Variants in MYO3A observed in about 807,000 individuals in gnomAD.
MYO3A encodes myosin IIIA, also known as myosin-IIIa.
A neutral mutation model predicts 192.7 loss-of-function variants in MYO3A; 180 were observed. That is an observed-to-expected ratio of 0.93 (90% CI 0.83 to 1.06). The LOEUF (loss-of-function observed/expected upper bound fraction) is 1.06. MYO3A is among the 50% of genes least tolerant of loss of function. The pLI, the probability that MYO3A is intolerant of heterozygous loss-of-function variation, is 0.00. For missense variants in MYO3A, 1,896 were observed against 1,905.0 expected (o/e 1.00, Z 0.09); for synonymous variants, 628 against 645.3 (o/e 0.97, Z 0.41).
chr10:25,978,349 A>G (rs1156503859), intron 4 of MYO3A, among the ~76,000 whole-genome samples: 1 of 152,226 alleles, frequency 6.6e-6, no homozygotes, highest in Non-Finnish European at 1.5e-5. Context: ...GGGAAGCCTC[A>G]CAAACATGGC....
intron 20 of MYO3A, among the ~76,000 whole-genome samples, chr10:26,135,086 G>C (rs1257004396): frequency 6.6e-6 from 1 of 152,120 alleles, no homozygotes; most frequent in Non-Finnish European, 1.5e-5. Context: ...TGATTAAAAT[G>C]ACTCCCTCTC....
At chr10:26,082,857 A>G (rs1836055043) in intron 14 of MYO3A, among the ~76,000 whole-genome samples, 1 of 152,052 alleles carries the variant, frequency 6.6e-6, no homozygotes, top group East Asian at 1.9e-4. Context: ...TGGTGCAACC[A>G]CTGACACCAA....
intron 26 of MYO3A, among the ~76,000 whole-genome samples, chr10:26,162,037 C>G (rs1284908471): frequency 6.6e-6 from 1 of 152,162 alleles, no homozygotes; most frequent in Non-Finnish European, 1.5e-5. Context: ...ACTCACAGAC[C>G]TGTTATGGAA....
intron 17 of MYO3A, among the ~76,000 whole-genome samples, chr10:26,097,618 T>C (rs1837133641): frequency 6.6e-6 from 1 of 151,638 alleles, no homozygotes; most frequent in Non-Finnish European, 1.5e-5. Flanking sequence ...TTTCCACATA[T>C]GAGTGAGAAC....
At chr10:25,952,897 A>C (rs1435266472) in intron 3 of MYO3A, among the ~76,000 whole-genome samples, 1 of 145,790 alleles carries the variant, frequency 6.9e-6, no homozygotes, top group Non-Finnish European at 1.5e-5. Flanking sequence ...TTTTTTAAGT[A>C]GCAGTTGTGA....
intron 31 of MYO3A, among the ~76,000 whole-genome samples, chr10:26,189,430 A>G (rs933016671): frequency 3.3e-5 from 5 of 152,228 alleles, no homozygotes; most frequent in Non-Finnish European, 7.3e-5. Flanking sequence ...GCTCAATGAA[A>G]GAGAGATCAC....
intron 20 of MYO3A, among the ~76,000 whole-genome samples, chr10:26,142,935 G>T (rs780145737): frequency 8.5e-5 from 13 of 152,258 alleles, no homozygotes; most frequent in African/African-American, 2.2e-4. Flanking sequence ...TTCTAGTATG[G>T]AGACTAGAGC....
intron 17 of MYO3A, among the ~76,000 whole-genome samples, chr10:26,105,072 G>C (rs1354214514): frequency 3.3e-5 from 5 of 152,072 alleles, no homozygotes; most frequent in Non-Finnish European, 7.4e-5. Flanking sequence ...GTAGTATAAT[G>C]TTCCACAGTG....
rs189003273 is a variant in MYO3A at position 26,029,157 on chromosome 10, G to A, written c.953+2625G>A. Among the ~76,000 whole-genome samples the A allele has an allele frequency of 2.6e-5, 4 of 152,270 alleles. No homozygotes were observed. The East Asian group carries it at 7.7e-4, about 29-fold the overall frequency. On this transcript the variant is annotated intron_variant, in intron 10 of 34. Transcript: ENST00000642920. Reference sequence around the variant, plus strand: ...GAATGGTTGCACTACACAGTATTTAGATTCTCATGCTTGTGCTGTAAGTTT... The same window carrying A: ...GAATGGTTGCACTACACAGTATTTAAATTCTCATGCTTGTGCTGTAAGTTT...
At chr10:26,132,776 T>C (rs1395083164) in intron 20 of MYO3A, among the ~76,000 whole-genome samples, 1 of 152,132 alleles carries the variant, frequency 6.6e-6, no homozygotes, top group Non-Finnish European at 1.5e-5. Context: ...TCAGAAGTAG[T>C]TTTAGAAGCA....
At chr10:26,115,575 G>A (rs1297705746) in intron 17 of MYO3A, among the ~76,000 whole-genome samples, 1 of 151,736 alleles carries the variant, frequency 6.6e-6, no homozygotes, top group Non-Finnish European at 1.5e-5. Context: ...TTTTGTATAA[G>A]AATAGAAAAA....
At chr10:26,107,162 G>A (rs1237897997) in intron 17 of MYO3A, among the ~76,000 whole-genome samples, 2 of 152,028 alleles carry the variant, frequency 1.3e-5, no homozygotes, top group African/African-American at 2.4e-5. Flanking sequence ...AGAGAAGACT[G>A]GGGACAATGT....
chr10:26,170,833 C>G (rs1411862157), intron 29 of MYO3A, among the ~76,000 whole-genome samples: 1 of 152,238 alleles, frequency 6.6e-6, no homozygotes, highest in Non-Finnish European at 1.5e-5. Flanking sequence ...TCATCCATAT[C>G]TAAATGTATC....
chr10:26,206,606 A>G (rs1273968077), intron 34 of MYO3A, among the ~76,000 whole-genome samples: 1 of 149,838 alleles, frequency 6.7e-6, no homozygotes, highest in African/African-American at 2.5e-5. Flanking sequence ...CTGCCACCAT[A>G]CCCATCTAAT....
intron 10 of MYO3A, among the ~76,000 whole-genome samples, chr10:26,033,006 C>T (rs577188900): frequency 1.3e-5 from 2 of 152,306 alleles, no homozygotes; most frequent in Non-Finnish European, 2.9e-5. Context: ...AAAGATACTT[C>T]AAACTCAACA....
chr10:26,026,334 T>C, intron 9 of MYO3A, 43 bp from the exon 10 acceptor site: 4 of 1,607,738 alleles, frequency 2.5e-6, no homozygotes, highest in Non-Finnish European at 3.4e-6. Context: ...GTTTCAAAAC[T>C]CTAACTTATC....
At chr10:26,086,524 G>A (rs925335644) in intron 14 of MYO3A, among the ~76,000 whole-genome samples, 1 of 151,956 alleles carries the variant, frequency 6.6e-6, no homozygotes, top group Non-Finnish European at 1.5e-5. Context: ...TAATTGACTG[G>A]TTTTAGTATC....
At chr10:26,093,885 C>A (rs967013170) in intron 15 of MYO3A, among the ~76,000 whole-genome samples, 1 of 152,110 alleles carries the variant, frequency 6.6e-6, no homozygotes, top group Admixed American at 6.5e-5. Flanking sequence ...TTTCCCATAG[C>A]CCTTTTCTTT....
intron 4 of MYO3A, among the ~76,000 whole-genome samples, chr10:25,980,271 G>T (rs976585643): frequency 3.3e-5 from 5 of 149,390 alleles, no homozygotes; most frequent in Non-Finnish European, 7.4e-5. Context: ...CCCACATAAT[G>T]CTTATAAAAT....
Sources: gnomAD v4.1 joint callset for allele counts (sites outside exome capture counted in the v4.1 genomes callset) on GRCh38, gnomAD v4.1.1 for gene constraint, MANE v1.5 for transcripts, NCBI Gene and HGNC (gene_info 2026-07-23, HGNC 2026-07-21) for gene names.